Variants in HOOK3 observed in about 807,000 individuals in gnomAD.
HOOK3 encodes the protein hook microtubule tethering protein 3, also known as protein Hook homolog 3.
In HOOK3, 24 loss-of-function variants were observed where a neutral mutation model predicts 116.3. The ratio of observed to expected loss-of-function variants is 0.21; its 90% CI spans 0.15 to 0.29. HOOK3 has a LOEUF of 0.29. HOOK3 is among the 10% of genes least tolerant of loss of function. The pLI is 1.00. For missense variants in HOOK3, 632 were observed against 830.2 expected, an observed-to-expected ratio of 0.76 and a Z score of 2.93; for synonymous variants, 275 against 283.0, an observed-to-expected ratio of 0.97 and a Z score of 0.28.
intron 17 of HOOK3, among the ~76,000 whole-genome samples, chr8:43,004,784 A>AATG (rs1809446684): frequency 6.6e-6 from 1 of 152,022 alleles, no homozygotes; most frequent in Admixed American, 6.6e-5. Flanking sequence ...GATGTTGAGC[A>AATG]ATGGCAATTC....
chr8:42,942,469 T>G (rs987952953), intron 4 of HOOK3, among the ~76,000 whole-genome samples: 1 of 152,228 alleles, frequency 6.6e-6, no homozygotes, highest in Non-Finnish European at 1.5e-5. Flanking sequence ...CACAACCTCT[T>G]TCCTCACCTC....
intron 2 of HOOK3, among the ~76,000 whole-genome samples, chr8:42,911,346 G>A (rs1021958908): frequency 1.3e-5 from 2 of 152,144 alleles, no homozygotes; most frequent in African/African-American, 4.8e-5. Context: ...AGCTACTAGG[G>A]AGACTGAGGA....
At chr8:42,922,432 C>T (rs1407378000) in intron 2 of HOOK3, among the ~76,000 whole-genome samples, 2 of 151,736 alleles carry the variant, frequency 1.3e-5, no homozygotes, top group Non-Finnish European at 2.9e-5. Flanking sequence ...TGTGTCTTAG[C>T]ACTAGCTACT....
At chr8:43,002,589 C>A (rs1357772746) in intron 17 of HOOK3, among the ~76,000 whole-genome samples, 3 of 152,218 alleles carry the variant, frequency 2.0e-5, no homozygotes, top group Admixed American at 2.0e-4. Flanking sequence ...GAACAGGCAG[C>A]AGTCTGGTTT....
At position 43,004,875 on chromosome 8, in the gene HOOK3, A is replaced by G. The variant is rs76304133; in HGVS notation, c.1655+2734A>G. Among the ~76,000 whole-genome samples, 4 of 152,192 alleles carry G rather than the reference A, an allele frequency of 2.6e-5. No individual in the cohort carries two copies. The East Asian group carries it at 7.7e-4, about 29-fold the overall frequency. ...ACATACTCTGTGACCTCTCAGTTCTACTATATATATCCAAGATTCCTAGAA... is the reference window on the plus strand; with the variant it reads ...ACATACTCTGTGACCTCTCAGTTCTGCTATATATATCCAAGATTCCTAGAA... On this transcript the variant is annotated intron_variant, in intron 17 of 21. Coordinates refer to ENST00000307602, the MANE Select transcript of HOOK3 (RefSeq NM_032410.4).
At chr8:42,949,295 AAG>A (rs1398859197) in intron 5 of HOOK3, 1 of 152,230 alleles carries the variant, frequency 6.6e-6, no homozygotes, top group Non-Finnish European at 1.5e-5. Flanking sequence ...ACTAATAACA[AAG>A]AGATCTTTTT....
At chr8:43,014,387 T>C (rs1213631217) in intron 21 of HOOK3, among the ~76,000 whole-genome samples, 1 of 151,364 alleles carries the variant, frequency 6.6e-6, no homozygotes, top group Admixed American at 6.6e-5. Context: ...AGTCTCGCTG[T>C]GTATCCTAGG....
Position 43,028,732 on chromosome 8 carries a change from A to C in HOOK3, c.*10234A>C, listed in dbSNP as rs1809976533. 5.1e-6 allele frequency: 1 copy of C among 197,766 alleles called. No individual in the cohort carries two copies. Among genetic ancestry groups the C allele is most frequent in the African/African-American group, 2.3e-5 (1 of 43,458 alleles). The allele number at this position is 197,766 out of a possible 1,614,324, so 12.3% of individuals were successfully genotyped here. A position where few individuals can be genotyped will look rare whatever the true frequency, so the allele number is the denominator to read the frequency against. On this transcript the variant is annotated 3_prime_UTR_variant, in exon 22 of 22. Transcript: ENST00000307602. Reference sequence around the variant, plus strand: ...TGCTACTAAAGTGCTTAACATAACTAAATGGATCTATAGTAACATGTCTAA... The same window carrying C: ...TGCTACTAAAGTGCTTAACATAACTCAATGGATCTATAGTAACATGTCTAA...
At chr8:42,931,741 C>G (rs540479701) in intron 4 of HOOK3, among the ~76,000 whole-genome samples, 2 of 151,528 alleles carry the variant, frequency 1.3e-5, no homozygotes, top group East Asian at 3.9e-4. Context: ...CTTCCCTTCC[C>G]TCTTCCCTCT....
intron 4 of HOOK3, among the ~76,000 whole-genome samples, chr8:42,934,062 C>CATTT (rs549409355): frequency 9.8e-4 from 149 of 151,794 alleles, no homozygotes; most frequent in African/African-American, 3.4e-3. Context: ...TATTTTATCT[C>CATTT]ATTTATTTAT....
At position 42,907,523 on chromosome 8, in the gene HOOK3, C is replaced by T. The variant is rs1807333582; in HGVS notation, c.143+1265C>T. Among the ~76,000 whole-genome samples the T allele has an allele frequency of 1.3e-5, 2 of 152,066 alleles. 1 individual carries two copies. Among genetic ancestry groups the T allele is most frequent in the South Asian group, 4.1e-4 (2 of 4,820 alleles). On this transcript the variant is annotated intron_variant, in intron 2 of 21. Transcript: ENST00000307602. ...AGAGTCATCTTGTCATTTTCATGGT[C>T]CCCTCTGAGTGGTGCCCTAATTTTA... is the stretch of plus-strand genomic sequence containing the variant.
intron 19 of HOOK3, among the ~76,000 whole-genome samples, chr8:43,011,235 C>T (rs568569210): frequency 5.1e-4 from 77 of 152,140 alleles, no homozygotes; most frequent in African/African-American, 1.6e-3. Flanking sequence ...CCTCGTGATC[C>T]GCCCGCCTCG....
chr8:42,976,389 G>T (rs1213569118), intron 13 of HOOK3, among the ~76,000 whole-genome samples: 1 of 151,938 alleles, frequency 6.6e-6, no homozygotes, highest in African/African-American at 2.4e-5. Context: ...GTGTGCCTGT[G>T]GGCCCAACTA....
At chr8:43,016,638 G>A (rs905535445) in intron 21 of HOOK3, among the ~76,000 whole-genome samples, 3 of 152,122 alleles carry the variant, frequency 2.0e-5, no homozygotes, top group Non-Finnish European at 4.4e-5. Flanking sequence ...CCTATGTGAA[G>A]AATTTGAATA....
Position 42,966,606 on chromosome 8 carries a change from G to A in HOOK3, c.913G>A (p.Val305Met), listed in dbSNP as rs745552462. The part of the protein sequence containing the change: ...EAQSLKDEID[V>M]LRHSSDKVSK... ...TCAGTCTCTGAAAGATGAGATCGAC[G>A]TGCTGAGGTAAAAACCTCACCTTCA... The change falls in exon 10 of 22, where the codon GTG (valine) becomes ATG (methionine). Residue 305 changes from valine to methionine, a missense_variant. Transcript: ENST00000307602. The A allele has an allele frequency of 3.1e-6, 5 of 1,614,008 alleles. No individual in the cohort carries two copies. The highest frequency in any genetic ancestry group is 4.2e-6 in the Non-Finnish European group (5 of 1,179,940).
Position 43,027,496 on chromosome 8 carries a change from T to A in HOOK3, c.*8998T>A, listed in dbSNP as rs1809953885. 1 of 438,836 alleles carries A rather than the reference T, an allele frequency of 2.3e-6. No individual in the cohort carries two copies. Among genetic ancestry groups the A allele is most frequent in the Non-Finnish European group, 4.4e-6 (1 of 227,502 alleles). The allele number at this position is 438,836 out of a possible 1,614,324, so 27.2% of individuals were successfully genotyped here. A position where few individuals can be genotyped will look rare whatever the true frequency, so the allele number is the denominator to read the frequency against. Reference sequence around the variant, plus strand: ...CTTACCCCCTGTTCTACTGACGTGCTTTGCATGAGAAGCTCATCTAGAAGA... The same window carrying A: ...CTTACCCCCTGTTCTACTGACGTGCATTGCATGAGAAGCTCATCTAGAAGA... On this transcript the variant is annotated 3_prime_UTR_variant, in exon 22 of 22. Coordinates refer to ENST00000307602, the MANE Select transcript of HOOK3 (RefSeq NM_032410.4).
intron 2 of HOOK3, among the ~76,000 whole-genome samples, chr8:42,922,665 G>A (rs1389511481): frequency 1.3e-5 from 2 of 152,120 alleles, no homozygotes; most frequent in Middle Eastern, 3.2e-3. Context: ...TTGGGAGGCT[G>A]AGGTGGGCGG....
chr8:42,948,455 G>A (rs1808277018), intron 5 of HOOK3, among the ~76,000 whole-genome samples: 1 of 152,176 alleles, frequency 6.6e-6, no homozygotes, highest in Admixed American at 6.5e-5. Flanking sequence ...ATTTTACGGT[G>A]TTCGCGGGGA....
At chr8:42,898,578 C>G (rs892793212) in intron 1 of HOOK3, among the ~76,000 whole-genome samples, 1 of 152,178 alleles carries the variant, frequency 6.6e-6, no homozygotes, top group Non-Finnish European at 1.5e-5. Context: ...AAACAGAATG[C>G]TGAGGAACTT....
Sources: gnomAD v4.1 joint callset for allele counts (sites outside exome capture counted in the v4.1 genomes callset) on GRCh38, gnomAD v4.1.1 for gene constraint, MANE v1.5 for transcripts, NCBI Gene and HGNC (gene_info 2026-07-23, HGNC 2026-07-21) for gene names.